The following HMOX2 variants were observed in gnomAD, a reference collection of about 807,000 sequenced individuals.
The protein encoded by HMOX2 is heme oxygenase 2, also known as heme oxygenase (decycling) 2.
HMOX2 carries 30 observed loss-of-function variants against 33.7 expected under a neutral mutation model. That is an observed-to-expected ratio of 0.89 (90% CI 0.67 to 1.21). HMOX2 has a LOEUF of 1.21. Ranked by LOEUF, HMOX2 falls within the 50% of genes most tolerant of loss-of-function variation. The probability of loss-of-function intolerance (pLI) is 0.00; values close to 1 mark genes in which losing one functional copy is unlikely to be tolerated. For missense variants in HMOX2, 403 were observed against 399.1 expected (o/e 1.01, Z -0.08); for synonymous variants, 155 against 155.0 (o/e 1.00, Z 0.00).
chr16:4,487,312 G>A (rs1191250553), intron 1 of HMOX2, among the ~76,000 whole-genome samples: 1 of 152,056 alleles, frequency 6.6e-6, no homozygotes, highest in African/African-American at 2.4e-5. Context: ...CCAGCACTTT[G>A]GGAAGCCTAG....
intron 1 of HMOX2, among the ~76,000 whole-genome samples, chr16:4,482,364 T>A (rs1361291493): frequency 1.3e-5 from 2 of 152,162 alleles, no homozygotes; most frequent in Non-Finnish European, 2.9e-5. Flanking sequence ...CAAAGTCTTT[T>A]TTCTACTCTG....
intron 1 of HMOX2, among the ~76,000 whole-genome samples, chr16:4,480,651 ATTTT>A (rs776262645): frequency 0.093 from 11,114 of 119,456 alleles, 741 homozygotes; most frequent in African/African-American, 0.2. Flanking sequence ...AGGGCCTACT[ATTTT>A]TTTTTTTTTT....
intron 1 of HMOX2, among the ~76,000 whole-genome samples, chr16:4,481,143 G>C (rs1211766091): frequency 9.3e-5 from 14 of 151,040 alleles, no homozygotes; most frequent in Admixed American, 7.3e-4. Flanking sequence ...TCAGGAGATC[G>C]AGACCATGCT....
At position 4,484,924 on chromosome 16, in the gene HMOX2, G is replaced by A. The variant is rs17880855; in HGVS notation, c.-42+8437G>A. On this transcript the variant is annotated intron_variant, in intron 1 of 5. Coordinates refer to ENST00000570646, the MANE Select transcript of HMOX2 (RefSeq NM_002134.4). Reference sequence around the variant, plus strand: ...ATGACAAGAAAAAAAATCTGTACATGTGTAGTACATATGTAGCCATCTGTT... The same window carrying A: ...ATGACAAGAAAAAAAATCTGTACATATGTAGTACATATGTAGCCATCTGTT... Among the ~76,000 whole-genome samples, 299 of 152,070 alleles carry A rather than the reference G, an allele frequency of 2.0e-3. 3 individuals carry two copies. The highest frequency in any genetic ancestry group is 0.017 in the Admixed American group (257 of 15,264).
intron 1 of HMOX2, among the ~76,000 whole-genome samples, chr16:4,488,443 C>T (rs1448701511): frequency 6.6e-6 from 1 of 152,074 alleles, no homozygotes; most frequent in Admixed American, 6.6e-5. Flanking sequence ...AAGATTGTGA[C>T]AGGAAGTTAC....
At position 4,486,348 on chromosome 16, in the gene HMOX2, C is replaced by T. The variant is rs371235558; in HGVS notation, c.-42+9861C>T. On this transcript the variant is annotated intron_variant, in intron 1 of 5. Transcript: ENST00000570646. Reference sequence around the variant, plus strand: ...CGTGTCCCCATGTGTAGGCAGTGGTCTAATCTGGTTCCTAGGAGAGGACTG... The same window carrying T: ...CGTGTCCCCATGTGTAGGCAGTGGTTTAATCTGGTTCCTAGGAGAGGACTG... Among the ~76,000 whole-genome samples, 14 of 152,270 alleles carry T rather than the reference C, an allele frequency of 9.2e-5. No individual in the cohort carries two copies. The South Asian group carries it at 2.7e-3, about 29-fold the overall frequency.
chr16:4,500,813 G>A (rs2058540092), intron 1 of HMOX2, among the ~76,000 whole-genome samples: 1 of 152,188 alleles, frequency 6.6e-6, no homozygotes, highest in Non-Finnish European at 1.5e-5. Flanking sequence ...GATCTGCTGA[G>A]CTGGTCTAAA....
chr16:4,498,259 G>A (rs1451827153), intron 1 of HMOX2, among the ~76,000 whole-genome samples: 1 of 151,752 alleles, frequency 6.6e-6, no homozygotes, highest in African/African-American at 2.4e-5. Flanking sequence ...TAGAGATGGG[G>A]TTTTGCCATG....
intron 1 of HMOX2, among the ~76,000 whole-genome samples, chr16:4,498,432 C>T (rs17880954): frequency 0.017 from 2,499 of 151,088 alleles, 16 homozygotes; most frequent in Middle Eastern, 0.055. Context: ...TGGAGTGCAA[C>T]GGTGTGATCA....
intron 1 of HMOX2, among the ~76,000 whole-genome samples, chr16:4,477,173 CTTTGCACG>C (rs1312104835): frequency 2.0e-5 from 3 of 152,068 alleles, no homozygotes; most frequent in Admixed American, 2.0e-4. Flanking sequence ...TCCTTGCAGT[CTTTGCACG>C]AGGCCTGCCT....
chr16:4,475,852 T>A (rs2057809197), upstream of HMOX2: 1 of 152,024 alleles, frequency 6.6e-6, no homozygotes. Flanking sequence ...GGCAGGAGAA[T>A]CGCTTGAACC....
intron 1 of HMOX2, among the ~76,000 whole-genome samples, chr16:4,480,578 C>T (rs1334470952): frequency 6.6e-6 from 1 of 151,598 alleles, no homozygotes; most frequent in Non-Finnish European, 1.5e-5. Flanking sequence ...CTCCTGACCT[C>T]AAGTGGTCCA....
chr16:4,507,193 C>T (rs2058715767), intron 3 of HMOX2, among the ~76,000 whole-genome samples, 181 bp downstream of exon 3: 1 of 152,092 alleles, frequency 6.6e-6, no homozygotes, highest in Non-Finnish European at 1.5e-5. Context: ...GTCTGTAATC[C>T]CAGCACTTTG....
intron 1 of HMOX2, among the ~76,000 whole-genome samples, chr16:4,485,253 A>G (rs975881831): frequency 2.0e-5 from 3 of 152,184 alleles, no homozygotes; most frequent in African/African-American, 7.2e-5. Context: ...GGGGTGAGCC[A>G]CCATGTCAGG....
Position 4,505,591 on chromosome 16 carries a change from GAAAAGGAGAACCAAATGAGGTGAGCGAT to G in HMOX2, c.68_86+9del, listed in dbSNP as rs1395266636. The G allele has an allele frequency of 1.9e-6, 3 of 1,598,762 alleles. No individual in the cohort carries two copies. Among genetic ancestry groups the G allele is most frequent in the Middle Eastern group, 3.3e-4 (2 of 6,052 alleles). ...AGAAAAAAAGAACTCTGGGGCCCTA[GAAAAGGAGAACCAAATGAGGTGAGCGAT>G]GGGGGCTGGCTGCACTGAATCAGGT... On this transcript the variant is annotated splice_donor_variant and splice_donor_5th_base_variant and coding_sequence_variant and intron_variant, in exon 2 of 6. Transcript: ENST00000570646. LOFTEE classifies it high-confidence loss of function.
chr16:4,505,492 G>A lies in HMOX2; in HGVS notation c.-33G>A. ...TCCTTGTGTCTCTGCAGGACCAGAGGAGCGAGAGCAGCAAGAACCACACCC... is the reference window on the plus strand; with the variant it reads ...TCCTTGTGTCTCTGCAGGACCAGAGAAGCGAGAGCAGCAAGAACCACACCC... On this transcript the variant is annotated 5_prime_UTR_variant, in exon 2 of 6. Transcript: ENST00000570646. 2 of 1,545,230 alleles carry A rather than the reference G, an allele frequency of 1.3e-6. No individual in the cohort carries two copies. Among genetic ancestry groups the A allele is most frequent in the South Asian group, 1.2e-5 (1 of 86,702 alleles).
upstream of HMOX2, among the ~76,000 whole-genome samples, chr16:4,475,247 C>G (rs1477708589): frequency 2.0e-5 from 3 of 151,944 alleles, no homozygotes; most frequent in Non-Finnish European, 4.4e-5. Flanking sequence ...GCCACCGTGC[C>G]CAGCCCTAAC....
intron 1 of HMOX2, among the ~76,000 whole-genome samples, chr16:4,482,179 A>G (rs2058048018): frequency 6.6e-6 from 1 of 152,172 alleles, no homozygotes; most frequent in Non-Finnish European, 1.5e-5. Context: ...AAATTTTCAA[A>G]TGTCTGTGTT....
Position 4,508,620 on chromosome 16 carries a change from A to G in HMOX2, c.696+416A>G, listed in dbSNP as rs186691117. 3.3e-5 allele frequency among the ~76,000 whole-genome samples: 5 copies of G among 152,318 alleles called. No individual in the cohort carries two copies. The East Asian group carries it at 9.6e-4, about 29-fold the overall frequency. ...TAAGCTCTGTTTACAAGTAGCCTTT[A>G]GATGAGGCTGAACCTGGGGAAGCTT... is the stretch of plus-strand genomic sequence containing the variant. On this transcript the variant is annotated intron_variant, in intron 4 of 5. Coordinates refer to ENST00000570646, the MANE Select transcript of HMOX2 (RefSeq NM_002134.4).
Sources: gnomAD v4.1 joint callset for allele counts (sites outside exome capture counted in the v4.1 genomes callset) on GRCh38, gnomAD v4.1.1 for gene constraint, MANE v1.5 for transcripts, NCBI Gene and HGNC (gene_info 2026-07-23, HGNC 2026-07-21) for gene names.